IGSF21: variants seen among roughly 807,000 people sequenced by gnomAD.
IGSF21 encodes the protein immunoglobin superfamily member 21.
A neutral mutation model predicts 46.8 loss-of-function variants in IGSF21; 28 were observed. The ratio of observed to expected loss-of-function variants is 0.60; its 90% CI spans 0.44 to 0.82. The LOEUF (loss-of-function observed/expected upper bound fraction) is 0.82, where lower values mean the gene tolerates loss of function less well. Among genes scored for constraint, IGSF21 ranks in the 40% least tolerant of loss-of-function variants. The pLI, the probability that IGSF21 is intolerant of heterozygous loss-of-function variation, is 0.00. For missense variants in IGSF21, 624 were observed against 665.5 expected (o/e 0.94, Z 0.69); for synonymous variants, 284 against 273.6 (o/e 1.04, Z -0.38).
chr1:18,294,166 G>T (rs2085291649), intron 3 of IGSF21, among the ~76,000 whole-genome samples: 1 of 152,138 alleles, frequency 6.6e-6, no homozygotes, highest in African/African-American at 2.4e-5. Flanking sequence ...GAAATCTGGG[G>T]CTGGTAACCC....
At chr1:18,166,209 A>T (rs889135386) in intron 1 of IGSF21, among the ~76,000 whole-genome samples, 3 of 152,050 alleles carry the variant, frequency 2.0e-5, no homozygotes, top group African/African-American at 7.2e-5. Flanking sequence ...GCTTGCTTTT[A>T]AAAAAAATTT....
chr1:18,191,837 AG>A (rs2086959799), intron 1 of IGSF21, among the ~76,000 whole-genome samples: 2 of 152,116 alleles, frequency 1.3e-5, no homozygotes. Flanking sequence ...CTCTTAGGGC[AG>A]TAGGTGGTTC....
At chr1:18,122,596 T>G (rs1177327915) in intron 1 of IGSF21, among the ~76,000 whole-genome samples, 1 of 152,048 alleles carries the variant, frequency 6.6e-6, no homozygotes, top group African/African-American at 2.4e-5. Flanking sequence ...ATGTATGGGT[T>G]TGTTGTATTG....
In IGSF21 at chr1:18,227,887, C is replaced by G; in HGVS notation, c.71-11C>G. 6.2e-7 allele frequency: 1 copy of G among 1,610,124 alleles called. No individual in the cohort carries two copies. The highest frequency in any genetic ancestry group is 8.5e-7 in the Non-Finnish European group (1 of 1,176,438). On this transcript the variant is annotated splice_polypyrimidine_tract_variant and intron_variant, in intron 1 of 9. Transcript: ENST00000251296. ...CGTGCCCTTACCACCCCTTTCTCCT[C>G]TCTTCTGTAGGCTACCTGACAGTCA...
chr1:18,336,345 T>C (rs560025978), intron 4 of IGSF21, among the ~76,000 whole-genome samples: 45 of 152,334 alleles, frequency 3.0e-4, no homozygotes, highest in Admixed American at 4.6e-4. Context: ...TCTGCAGCTA[T>C]TGGGCTGAGT....
intron 1 of IGSF21, among the ~76,000 whole-genome samples, chr1:18,198,836 G>C (rs750883306): frequency 6.6e-6 from 1 of 152,138 alleles, no homozygotes; most frequent in African/African-American, 2.4e-5. Context: ...TAATAAGGTC[G>C]TGGGAGTAAT....
chr1:18,364,025 G>A (rs2086132296), intron 5 of IGSF21, among the ~76,000 whole-genome samples: 2 of 152,052 alleles, frequency 1.3e-5, no homozygotes, highest in Admixed American at 1.3e-4. Flanking sequence ...CAGAGAAAAA[G>A]TCCTTTCCTG....
At chr1:18,177,401 G>GTGGGGATGGGGTCAGTGAGGTA (rs2086812164) in intron 1 of IGSF21, among the ~76,000 whole-genome samples, 2 of 97,956 alleles carry the variant, frequency 2.0e-5, no homozygotes, top group African/African-American at 6.4e-5. Flanking sequence ...AGGTGTGTGT[G>GTGGGGATGGGGTCAGTGAGGTA]TGTGTGTGTG....
chr1:18,219,048 A>G (rs1040286107), intron 1 of IGSF21, among the ~76,000 whole-genome samples: 1 of 152,240 alleles, frequency 6.6e-6, no homozygotes, highest in African/African-American at 2.4e-5. Context: ...AACAGAGAAA[A>G]AAGTATTGAA....
chr1:18,228,713 G>A (rs540662305), intron 2 of IGSF21, among the ~76,000 whole-genome samples: 3 of 152,154 alleles, frequency 2.0e-5, no homozygotes, highest in Non-Finnish European at 2.9e-5. Flanking sequence ...TTCTTCCAAT[G>A]CATGCTTGAG....
chr1:18,136,997 G>A (rs546040097), intron 1 of IGSF21, among the ~76,000 whole-genome samples: 2 of 152,202 alleles, frequency 1.3e-5, no homozygotes, highest in East Asian at 3.9e-4. Context: ...GGATTCCTAG[G>A]TATTTTATTC....
At chr1:18,172,493 G>A (rs879502368) in intron 1 of IGSF21, among the ~76,000 whole-genome samples, 2 of 152,188 alleles carry the variant, frequency 1.3e-5, no homozygotes, top group African/African-American at 2.4e-5. Flanking sequence ...CAGCAGGGTC[G>A]GGTTCTGGGG....
intron 1 of IGSF21, among the ~76,000 whole-genome samples, chr1:18,193,532 G>C (rs1288396853): frequency 6.6e-6 from 1 of 152,192 alleles, no homozygotes; most frequent in African/African-American, 2.4e-5. Flanking sequence ...CTATGCTCGA[G>C]GGCAGGAAGC....
intron 2 of IGSF21, among the ~76,000 whole-genome samples, chr1:18,237,752 C>G (rs1039354930): frequency 1.3e-5 from 2 of 152,114 alleles, no homozygotes; most frequent in Non-Finnish European, 2.9e-5. Context: ...TCCGCTTCTC[C>G]TATGTGTCAT....
chr1:18,348,641 G>A (rs1435551539), intron 4 of IGSF21, among the ~76,000 whole-genome samples: 1 of 152,334 alleles, frequency 6.6e-6, no homozygotes, highest in African/African-American at 2.4e-5. Context: ...AGTTACAGGT[G>A]TTAACAGCTG....
chr1:18,215,347 C>G (rs989018359), intron 1 of IGSF21, among the ~76,000 whole-genome samples: 1 of 152,182 alleles, frequency 6.6e-6, no homozygotes, highest in Admixed American at 6.5e-5. Context: ...CAGAGACAGG[C>G]ATTTGGCCCG....
chr1:18,241,701 T>C (rs1331118208), intron 2 of IGSF21, among the ~76,000 whole-genome samples: 2 of 152,118 alleles, frequency 1.3e-5, no homozygotes, highest in African/African-American at 2.4e-5. Context: ...CCTCATATCA[T>C]CATGAATGCC....
intron 1 of IGSF21, among the ~76,000 whole-genome samples, chr1:18,216,007 C>T (rs1034676525): frequency 1.3e-5 from 2 of 152,148 alleles, no homozygotes; most frequent in Non-Finnish European, 2.9e-5. Flanking sequence ...GGCTTGAGCG[C>T]TAGTCTGATG....
chr1:18,245,012 G>A lies in IGSF21; in HGVS notation c.183+17002G>A, dbSNP rs562531956. 1.4e-4 allele frequency among the ~76,000 whole-genome samples: 22 copies of A among 152,198 alleles called. 1 individual carries two copies. The highest frequency in any genetic ancestry group is 6.2e-4 in the South Asian group (3 of 4,824). ...TAATGAACTTAGGACAGTGCCTGAC[G>A]CTATATAAATATTGGTAGGGCTATA... is the stretch of plus-strand genomic sequence containing the variant. On this transcript the variant is annotated intron_variant, in intron 2 of 9. Transcript: ENST00000251296.
Sources: allele counts gnomAD v4.1 joint callset (sites outside exome capture counted in the v4.1 genomes callset), GRCh38; gene constraint gnomAD v4.1.1; transcripts MANE v1.5; gene names NCBI Gene and HGNC (gene_info 2026-07-23, HGNC 2026-07-21).